Variants in EXOC6B observed in about 807,000 individuals in gnomAD.
EXOC6B encodes exocyst complex component 6B.
EXOC6B carries 54 observed loss-of-function variants against 113.5 expected under a neutral mutation model. The observed-to-expected ratio is 0.48, with a 90% CI of 0.38 to 0.60. The LOEUF (loss-of-function observed/expected upper bound fraction) is 0.60, where lower values mean the gene tolerates loss of function less well. EXOC6B is among the 20% of genes least tolerant of loss of function. The pLI is 0.00. For synonymous variants in EXOC6B, 357 were observed against 339.0 expected (o/e 1.05, Z -0.58); for missense variants, 797 against 977.5 (o/e 0.82, Z 2.46).
intron 18 of EXOC6B, 107 bp downstream of exon 18, chr2:72,465,053 T>G (rs1209383968): frequency 1.1e-6 from 1 of 906,020 alleles, no homozygotes; most frequent in Admixed American, 2.3e-5. Flanking sequence ...CTTTATATAC[T>G]GAAAATCTTC....
At chr2:72,503,891 A>G (rs970507364) in intron 11 of EXOC6B, among the ~76,000 whole-genome samples, 2 of 151,872 alleles carry the variant, frequency 1.3e-5, no homozygotes, top group African/African-American at 4.8e-5. Flanking sequence ...TTGATGACAT[A>G]GGATGATGAG....
chr2:72,701,914 T>C (rs1410644532), intron 6 of EXOC6B, among the ~76,000 whole-genome samples: 1 of 151,850 alleles, frequency 6.6e-6, no homozygotes, highest in Non-Finnish European at 1.5e-5. Flanking sequence ...AAGCCACTTG[T>C]ATTTCTTTTT....
At chr2:72,405,310 T>C (rs945931525) in intron 18 of EXOC6B, among the ~76,000 whole-genome samples, 3 of 152,142 alleles carry the variant, frequency 2.0e-5, no homozygotes, top group Non-Finnish European at 4.4e-5. Context: ...TTCCCCAATC[T>C]AGCAAGGCAG....
chr2:72,225,277 T>C (rs1272571856), intron 20 of EXOC6B, among the ~76,000 whole-genome samples: 1 of 152,162 alleles, frequency 6.6e-6, no homozygotes, highest in Non-Finnish European at 1.5e-5. Flanking sequence ...TAAATATCAA[T>C]AACAAGTCTA....
intron 1 of EXOC6B, among the ~76,000 whole-genome samples, chr2:72,802,408 T>C (rs1183256955): frequency 6.6e-6 from 1 of 152,090 alleles, no homozygotes; most frequent in African/African-American, 2.4e-5. Flanking sequence ...GTGCAATCTA[T>C]ATAATACTAT....
intron 20 of EXOC6B, among the ~76,000 whole-genome samples, chr2:72,314,593 A>T (rs999633237): frequency 2.6e-5 from 4 of 152,180 alleles, no homozygotes; most frequent in Non-Finnish European, 5.9e-5. Flanking sequence ...GTATCAATCT[A>T]TATTGTGAAT....
intron 1 of EXOC6B, among the ~76,000 whole-genome samples, chr2:72,811,109 G>C (rs922640920): frequency 4.0e-5 from 6 of 151,680 alleles, no homozygotes; most frequent in African/African-American, 1.2e-4. Context: ...GAAGTGGGAG[G>C]ATCACTTGAT....
At chr2:72,354,745 C>T (rs189250280) in intron 19 of EXOC6B, among the ~76,000 whole-genome samples, 190 of 152,256 alleles carry the variant, frequency 1.2e-3, no homozygotes, top group Middle Eastern at 3.4e-3. Context: ...ATTTGAATGG[C>T]CAGGAGGGCT....
intron 7 of EXOC6B, among the ~76,000 whole-genome samples, chr2:72,572,150 AC>A (rs751668197): frequency 2.0e-5 from 3 of 152,202 alleles, no homozygotes; most frequent in East Asian, 1.9e-4. Context: ...TTTAAAAAAA[AC>A]AATAGAAGAC....
rs112935528 is a variant in EXOC6B at position 72,567,928 on chromosome 2, A to G, written c.846+7564T>C. On this transcript the variant is annotated intron_variant, in intron 7 of 21. Transcript: ENST00000272427. ...AAAATCACAGCATCTTATAACAACTATAGTAACATATGATTCCAGAAAGTG... is the reference window on the plus strand; with the variant it reads ...AAAATCACAGCATCTTATAACAACTGTAGTAACATATGATTCCAGAAAGTG... 3.1e-4 allele frequency among the ~76,000 whole-genome samples: 47 copies of G among 152,226 alleles called. 1 individual carries two copies. Among genetic ancestry groups the G allele is most frequent in the African/African-American group, 9.6e-4 (40 of 41,574 alleles).
At chr2:72,394,991 T>C (rs559552219) in intron 18 of EXOC6B, among the ~76,000 whole-genome samples, 6 of 151,944 alleles carry the variant, frequency 3.9e-5, no homozygotes, top group East Asian at 1.9e-4. Context: ...AAAGTTAAAA[T>C]TGAAAGGAAG....
At chr2:72,411,682 A>G (rs1328776916) in intron 18 of EXOC6B, among the ~76,000 whole-genome samples, 1 of 152,216 alleles carries the variant, frequency 6.6e-6, no homozygotes, top group African/African-American at 2.4e-5. Context: ...TATGAGCAGA[A>G]TCTGGTCGTG....
Position 72,741,500 on chromosome 2 carries a change from C to A in EXOC6B, c.114-31G>T, listed in dbSNP as rs200814301. 30 of 1,576,776 alleles carry A rather than the reference C, an allele frequency of 1.9e-5. No individual in the cohort carries two copies. In the African/African-American group the frequency reaches 3.7e-4, roughly 20 times the overall value. On this transcript the variant is annotated intron_variant, in intron 1 of 21. Coordinates refer to ENST00000272427, the MANE Select transcript of EXOC6B (RefSeq NM_015189.3). ...AAAAAAAATGGCACGAAGATTATACCATGGTTACTTCTAAGAAGGAAAAAC... is the reference window on the plus strand; with the variant it reads ...AAAAAAAATGGCACGAAGATTATACAATGGTTACTTCTAAGAAGGAAAAAC...
intron 6 of EXOC6B, among the ~76,000 whole-genome samples, chr2:72,643,941 G>C (rs974634554): frequency 2.0e-5 from 3 of 152,118 alleles, no homozygotes; most frequent in Admixed American, 2.0e-4. Context: ...GCTGGATGGA[G>C]AATGACTTTG....
At chr2:72,399,112 C>T (rs1480950282) in intron 18 of EXOC6B, among the ~76,000 whole-genome samples, 2 of 151,762 alleles carry the variant, frequency 1.3e-5, no homozygotes, top group East Asian at 1.9e-4. Flanking sequence ...TAATATAGCA[C>T]AATCCAGTGT....
At chr2:72,279,457 T>A (rs935747373) in intron 20 of EXOC6B, among the ~76,000 whole-genome samples, 1 of 152,220 alleles carries the variant, frequency 6.6e-6, no homozygotes, top group African/African-American at 2.4e-5. Context: ...GGCCCAAATA[T>A]TAAAGAGTAG....
intron 18 of EXOC6B, among the ~76,000 whole-genome samples, chr2:72,416,099 A>G (rs1426274721): frequency 6.6e-6 from 1 of 152,176 alleles, no homozygotes; most frequent in African/African-American, 2.4e-5. Flanking sequence ...CTTTCATGGC[A>G]GAGGGATGAC....
At position 72,502,922 on chromosome 2, in the gene EXOC6B, C is replaced by CT. The variant is rs200513553; in HGVS notation, c.1168-2951dup. On this transcript the variant is annotated intron_variant, in intron 11 of 21. Coordinates refer to ENST00000272427, the MANE Select transcript of EXOC6B (RefSeq NM_015189.3). ...TCTGTATTTTGGGGTCAGCATTTGACTTTATCTTCTTGATCAGCATCATAT... is the reference window on the plus strand; with the variant it reads ...TCTGTATTTTGGGGTCAGCATTTGACTTTTATCTTCTTGATCAGCATCATAT... Among the ~76,000 whole-genome samples the CT allele has an allele frequency of 2.9e-3, 441 of 152,258 alleles. 1 individual carries two copies. Among genetic ancestry groups the CT allele is most frequent in the African/African-American group, 4.6e-3 (191 of 41,560 alleles).
chr2:72,799,431 A>G (rs1348146662), intron 1 of EXOC6B, among the ~76,000 whole-genome samples: 2 of 151,638 alleles, frequency 1.3e-5, no homozygotes, highest in Non-Finnish European at 2.9e-5. Context: ...TTAGCCTGGC[A>G]TGGTGGCATG....
Sources: allele counts gnomAD v4.1 joint callset (sites outside exome capture counted in the v4.1 genomes callset), GRCh38; gene constraint gnomAD v4.1.1; transcripts MANE v1.5; gene names NCBI Gene and HGNC (gene_info 2026-07-23, HGNC 2026-07-21).